LPIN1: variants seen among roughly 807,000 people sequenced by gnomAD.
The protein encoded by LPIN1 is phosphatidate phosphatase LPIN1.
LPIN1 carries 71 observed loss-of-function variants against 107.5 expected under a neutral mutation model. The observed-to-expected ratio is 0.66, with a 90% CI of 0.55 to 0.80. LPIN1 has a LOEUF of 0.80. Among genes scored for constraint, LPIN1 ranks in the 30% least tolerant of loss-of-function variants. LPIN1 has a pLI of 0.00. For synonymous variants in LPIN1, 445 were observed against 452.6 expected, an observed-to-expected ratio of 0.98 and a Z score of 0.21; for missense variants, 1,043 against 1,160.6, an observed-to-expected ratio of 0.90 and a Z score of 1.47.
At chr2:11,693,664 A>G (rs1454911388) in intron 1 of LPIN1, among the ~76,000 whole-genome samples, 1 of 150,894 alleles carries the variant, frequency 6.6e-6, no homozygotes, top group Admixed American at 6.6e-5. Context: ...CTCATCTTCA[A>G]TGGGGGTGGC....
rs180986574 is a variant in LPIN1 at position 11,791,720 on chromosome 2, A to G, written c.1714-194A>G. 1.1e-5 allele frequency: 16 copies of G among 1,440,518 alleles called. No homozygotes were observed. The African/African-American group carries it at 2.1e-4, about 19-fold the overall frequency. The allele number at this position is 1,440,518 out of a possible 1,614,324, so 89.2% of individuals were successfully genotyped here. A position where few individuals can be genotyped will look rare whatever the true frequency, so the allele number is the denominator to read the frequency against. Reference sequence around the variant, plus strand: ...ACATCTTCTTAAGTCTTCATGCTTAAGTTACCTTCATGTAATTTTGGACGC... The same window carrying G: ...ACATCTTCTTAAGTCTTCATGCTTAGGTTACCTTCATGTAATTTTGGACGC... On this transcript the variant is annotated intron_variant, in intron 12 of 20. Coordinates refer to ENST00000674199, the MANE Select transcript of LPIN1 (RefSeq NM_001349206.2).
At chr2:11,747,166 C>T (rs1667085787) in intron 1 of LPIN1, among the ~76,000 whole-genome samples, 1 of 152,234 alleles carries the variant, frequency 6.6e-6, no homozygotes, top group Non-Finnish European at 1.5e-5. Context: ...GGAGGTTGAC[C>T]TCTGTGCCCA....
rs188908548 is a variant in LPIN1 at position 11,765,274 on chromosome 2, G to A, written c.-9-259G>A. On this transcript the variant is annotated intron_variant, in intron 1 of 20. Coordinates refer to ENST00000674199, the MANE Select transcript of LPIN1 (RefSeq NM_001349206.2). This position sits in a 1 kb window ranked among gnomAD's most constrained non-coding sequence, Gnocchi z 4.4. ...ACCCTGATGGACCCTGATGGGCCGT[G>A]ATGGACCCTGATGGGCTGTGATGGG... Among the ~76,000 whole-genome samples, 1 of 152,024 alleles carries A rather than the reference G, an allele frequency of 6.6e-6. No homozygotes were observed. The highest frequency in any genetic ancestry group is 1.5e-5 in the Non-Finnish European group (1 of 67,976).
chr2:11,698,581 C>G (rs1662706284), intron 1 of LPIN1, among the ~76,000 whole-genome samples: 1 of 152,196 alleles, frequency 6.6e-6, no homozygotes, highest in Non-Finnish European at 1.5e-5. Flanking sequence ...TCTAGATTGC[C>G]CGACACCATG....
intron 1 of LPIN1, among the ~76,000 whole-genome samples, chr2:11,709,578 G>A (rs1261201099): frequency 2.0e-5 from 3 of 152,202 alleles, no homozygotes; most frequent in East Asian, 1.9e-4. Flanking sequence ...TTTAGGTCCC[G>A]AGTTATATGC....
intron 14 of LPIN1, among the ~76,000 whole-genome samples, chr2:11,796,647 G>A (rs1676773554): frequency 6.6e-6 from 1 of 152,120 alleles, no homozygotes; most frequent in Non-Finnish European, 1.5e-5. Flanking sequence ...CCGCTGGTCT[G>A]TGCTTCACAG....
At chr2:11,791,102 G>GT (rs1429356714) in intron 12 of LPIN1, among the ~76,000 whole-genome samples, 1 of 152,166 alleles carries the variant, frequency 6.6e-6, no homozygotes, top group Non-Finnish European at 1.5e-5. Flanking sequence ...TTTTAGTGCA[G>GT]TTGGGTTTTC....
At chr2:11,705,005 C>A (rs1663055746) in intron 1 of LPIN1, among the ~76,000 whole-genome samples, 1 of 152,250 alleles carries the variant, frequency 6.6e-6, no homozygotes, top group Admixed American at 6.5e-5. Flanking sequence ...GGAACTTCCA[C>A]TGGTTACCGG....
chr2:11,677,633 C>G (rs1345011034), exon 1 of LPIN1: 26 of 1,529,718 alleles, frequency 1.7e-5, no homozygotes, highest in Non-Finnish European at 2.0e-5. Flanking sequence ...CAGACAGCAC[C>G]ATACAGGGCG....
intron 17 of LPIN1, among the ~76,000 whole-genome samples, chr2:11,811,370 T>G (rs538330415): frequency 6.6e-6 from 1 of 152,206 alleles, no homozygotes; most frequent in African/African-American, 2.4e-5. Flanking sequence ...GTGGGGCACT[T>G]GTTGGCATTG....
At chr2:11,818,369 T>A (rs920594403) in intron 18 of LPIN1, 3 of 152,278 alleles carry the variant, frequency 2.0e-5, no homozygotes, top group Non-Finnish European at 4.4e-5. Context: ...TTTATAATTT[T>A]AGCTGTAAAG....
intron 14 of LPIN1, among the ~76,000 whole-genome samples, chr2:11,799,413 T>C (rs1367871336): frequency 7.3e-6 from 1 of 137,064 alleles, no homozygotes; most frequent in Non-Finnish European, 1.5e-5. Flanking sequence ...CATTTTCCCA[T>C]TCAATGAGGG....
intron 1 of LPIN1, among the ~76,000 whole-genome samples, chr2:11,693,820 ATATT>A (rs1662428486): frequency 1.6e-4 from 4 of 25,702 alleles, no homozygotes; most frequent in African/African-American, 3.9e-4. Context: ...ATATATATAT[ATATT>A]TTTTTTTTTT....
At chr2:11,738,177 T>C (rs1397376382) in intron 1 of LPIN1, among the ~76,000 whole-genome samples, 3 of 150,730 alleles carry the variant, frequency 2.0e-5, no homozygotes, top group Admixed American at 6.6e-5. Context: ...TAAGTGGGAG[T>C]TGAATAATGA....
At chr2:11,812,493 C>T (rs1476644144) in intron 17 of LPIN1, among the ~76,000 whole-genome samples, 1 of 151,936 alleles carries the variant, frequency 6.6e-6, no homozygotes, top group Admixed American at 6.6e-5. Context: ...CCAGCAGAGA[C>T]CTAGATGAGG....
intron 1 of LPIN1, among the ~76,000 whole-genome samples, chr2:11,710,134 C>T (rs62116212): frequency 0.074 from 11,267 of 152,080 alleles, 559 homozygotes; most frequent in Middle Eastern, 0.15. Flanking sequence ...TTTCTCCTAC[C>T]CTTATAAGGG....
At chr2:11,794,508 TA>T (rs1239210570) in intron 13 of LPIN1, among the ~76,000 whole-genome samples, 2 of 152,182 alleles carry the variant, frequency 1.3e-5, no homozygotes, top group East Asian at 3.8e-4. Flanking sequence ...TGTGTGGTAA[TA>T]AAAAAACCTA....
chr2:11,777,934 G>C (rs1427159621), intron 6 of LPIN1, among the ~76,000 whole-genome samples: 1 of 152,224 alleles, frequency 6.6e-6, no homozygotes, highest in Non-Finnish European at 1.5e-5. Flanking sequence ...TGATGCTGGA[G>C]AAAGAGTGGA....
At chr2:11,700,246 A>C (rs1662800545) in intron 1 of LPIN1, among the ~76,000 whole-genome samples, 2 of 152,172 alleles carry the variant, frequency 1.3e-5, no homozygotes, top group South Asian at 4.1e-4. Context: ...AAGCCTCAAG[A>C]GTCTGCCCAA....
Sources: allele counts gnomAD v4.1 joint callset (sites outside exome capture counted in the v4.1 genomes callset), GRCh38; gene constraint gnomAD v4.1.1; non-coding constraint Gnocchi (gnomAD v3.1); transcripts MANE v1.5; gene names NCBI Gene and HGNC (gene_info 2026-07-23, HGNC 2026-07-21).